ADAMTS18: variants seen among roughly 807,000 people sequenced by gnomAD.
The protein encoded by ADAMTS18 is ADAM metallopeptidase with thrombospondin type 1 motif 18, also known as A disintegrin and metalloproteinase with thrombospondin motifs 18.
ADAMTS18 carries 157 observed loss-of-function variants against 165.9 expected under a neutral mutation model. The observed-to-expected ratio is 0.95, with a 90% CI of 0.83 to 1.08. The LOEUF is 1.08. Ranked by LOEUF, ADAMTS18 falls within the 50% of genes least tolerant of loss-of-function variation. The pLI, the probability that ADAMTS18 is intolerant of heterozygous loss-of-function variation, is 0.00. For synonymous variants in ADAMTS18, 782 were observed against 578.2 expected, an observed-to-expected ratio of 1.35 and a Z score of -5.06; for missense variants, 2,040 against 1,534.0, an observed-to-expected ratio of 1.33 and a Z score of -5.51.
chr16:77,296,227 G>A (rs1333927704), intron 18 of ADAMTS18, among the ~76,000 whole-genome samples: 4 of 152,076 alleles, frequency 2.6e-5, no homozygotes, highest in South Asian at 4.1e-4. Context: ...TAACTGGGAA[G>A]ATTACTTAAA....
intron 3 of ADAMTS18, among the ~76,000 whole-genome samples, chr16:77,420,207 C>T (rs370776570): frequency 6.6e-6 from 1 of 151,344 alleles, no homozygotes; most frequent in Non-Finnish European, 1.5e-5. Flanking sequence ...ACTAGTAAGT[C>T]TAATTATTTC....
At chr16:77,388,815 T>C (rs1169964838) in intron 3 of ADAMTS18, among the ~76,000 whole-genome samples, 1 of 152,172 alleles carries the variant, frequency 6.6e-6, no homozygotes, top group Non-Finnish European at 1.5e-5. Context: ...AGTTTTTTAA[T>C]CCCCAGATTC....
At chr16:77,414,020 AG>A (rs1239351911) in intron 3 of ADAMTS18, among the ~76,000 whole-genome samples, 3 of 152,244 alleles carry the variant, frequency 2.0e-5, no homozygotes, top group African/African-American at 7.2e-5. Context: ...ATGATGACAT[AG>A]AAATTTCTGC....
At chr16:77,416,031 G>A (rs1316286380) in intron 3 of ADAMTS18, among the ~76,000 whole-genome samples, 1 of 152,128 alleles carries the variant, frequency 6.6e-6, no homozygotes, top group Admixed American at 6.5e-5. Context: ...GGCAGAATAT[G>A]CTAGGCGATA....
intron 14 of ADAMTS18, among the ~76,000 whole-genome samples, 198 bp downstream of exon 14, chr16:77,322,138 G>C (rs1185351584): frequency 8.8e-6 from 1 of 113,064 alleles, no homozygotes; most frequent in African/African-American, 3.6e-5. Context: ...CTGGGTGACA[G>C]AGTGAAATTT....
rs994981726 is a variant in ADAMTS18 at position 77,363,874 on chromosome 16, T to C, written c.984A>G (p.Leu328=). 10 of 1,613,878 alleles carry C rather than the reference T, an allele frequency of 6.2e-6. No homozygotes were observed. The highest frequency in any genetic ancestry group is 3.3e-5 in the Admixed American group (2 of 59,986). Residue 328 remains leucine (L), a synonymous_variant, in exon 6 of 23, where the codon CTA becomes CTG. Coordinates refer to ENST00000282849, the MANE Select transcript of ADAMTS18 (RefSeq NM_199355.4). ...CACTTCCAATAGTCCCATCTTTAAA[T>C]AGGCCAGAAACCTGTTGGAACAATG... ...ILTVMNMVSG[L]FKDGTIGSDI...
At chr16:77,340,085 G>C (rs565845259) in intron 11 of ADAMTS18, among the ~76,000 whole-genome samples, 1 of 152,248 alleles carries the variant, frequency 6.6e-6, no homozygotes, top group Non-Finnish European at 1.5e-5. Flanking sequence ...TCTGGGCCCC[G>C]ACAGCAACTA....
At chr16:77,365,411 ACT>A (rs2056778701) in intron 4 of ADAMTS18, among the ~76,000 whole-genome samples, 1 of 152,232 alleles carries the variant, frequency 6.6e-6, no homozygotes, top group Non-Finnish European at 1.5e-5. Context: ...CATGTCTTAA[ACT>A]CTCATTTCAT....
intron 16 of ADAMTS18, among the ~76,000 whole-genome samples, chr16:77,305,105 A>T (rs767575239): frequency 4.8e-5 from 4 of 82,766 alleles, no homozygotes; most frequent in African/African-American, 1.0e-4. Context: ...GTAAAAACTT[A>T]AACAAATAAG....
chr16:77,353,196 A>G (rs2056580891), intron 10 of ADAMTS18, among the ~76,000 whole-genome samples: 1 of 152,214 alleles, frequency 6.6e-6, no homozygotes, highest in Admixed American at 6.5e-5. Context: ...TCTCATTTCT[A>G]TAACCTGGAC....
rs139006751 is a variant in ADAMTS18, at chr16:77,342,522, C to A, written c.1615-723G>T. On this transcript the variant is annotated intron_variant, in intron 10 of 22. Coordinates refer to ENST00000282849, the MANE Select transcript of ADAMTS18 (RefSeq NM_199355.4). Reference sequence around the variant, plus strand: ...CCCAGTCTCATCTCAAACTCCTAACCTAAAGTGATCCTCCCACCTCAGTCT... The same window carrying A: ...CCCAGTCTCATCTCAAACTCCTAACATAAAGTGATCCTCCCACCTCAGTCT... 1.0e-3 allele frequency among the ~76,000 whole-genome samples: 153 copies of A among 152,270 alleles called. 2 individuals are homozygous for A. The highest frequency in any genetic ancestry group is 3.5e-3 in the African/African-American group (145 of 41,544).
At position 77,411,977 on chromosome 16, in the gene ADAMTS18, C is replaced by G. The variant is rs566306345; in HGVS notation, c.495+19318G>C. 1.1e-4 allele frequency among the ~76,000 whole-genome samples: 16 copies of G among 152,108 alleles called. No homozygotes were observed. In the South Asian group the frequency reaches 3.3e-3, roughly 32 times the overall value. On this transcript the variant is annotated intron_variant, in intron 3 of 22. Coordinates refer to ENST00000282849, the MANE Select transcript of ADAMTS18 (RefSeq NM_199355.4). ...CACTGGGATTACAGGCAGGAGCCAC[C>G]GAGCCCAGCCAGTGCCCAAAGATTT...
At chr16:77,409,668 G>T (rs903095245) in intron 3 of ADAMTS18, among the ~76,000 whole-genome samples, 1 of 152,102 alleles carries the variant, frequency 6.6e-6, no homozygotes. Context: ...GAACCACTCT[G>T]ACGGGTCTGC....
chr16:77,432,770 T>TTAA (rs529641316), intron 2 of ADAMTS18, among the ~76,000 whole-genome samples: 1 of 144,394 alleles, frequency 6.9e-6, no homozygotes, highest in Non-Finnish European at 1.5e-5. Context: ...CCTCCTCCAA[T>TTAA]AAAAAAAAAA....
intron 3 of ADAMTS18, among the ~76,000 whole-genome samples, chr16:77,391,507 A>G (rs910142541): frequency 6.7e-6 from 1 of 150,268 alleles, no homozygotes; most frequent in Non-Finnish European, 1.5e-5. Flanking sequence ...AAAAAAAAAC[A>G]AGAGGCTTGG....
chr16:77,378,998 A>G (rs951487404), intron 3 of ADAMTS18: 7 of 152,234 alleles, frequency 4.6e-5, no homozygotes, highest in Admixed American at 3.9e-4. Flanking sequence ...ACACATATTG[A>G]TGAAATTCTT....
intron 12 of ADAMTS18, among the ~76,000 whole-genome samples, chr16:77,333,339 A>C (rs189871371): frequency 6.6e-6 from 1 of 152,188 alleles, no homozygotes; most frequent in Admixed American, 6.6e-5. Flanking sequence ...GAGCTTTACA[A>C]CAAATACCTA....
At chr16:77,317,567 C>G (rs912355002) in intron 16 of ADAMTS18, among the ~76,000 whole-genome samples, 2 of 152,220 alleles carry the variant, frequency 1.3e-5, no homozygotes, top group Admixed American at 6.5e-5. Flanking sequence ...CTCCTGGCCT[C>G]AAGTGATCCA....
At chr16:77,334,735 TAGTATATATACTGTATACTATAGTATAC>T (rs1165657594) in intron 12 of ADAMTS18, among the ~76,000 whole-genome samples, 4 of 116,192 alleles carry the variant, frequency 3.4e-5, no homozygotes, top group African/African-American at 1.3e-4. Context: ...CTATATACTA[TAGTATATATACTGTATACTATAGTATAC>T]AGTATATATA....
Sources: gnomAD v4.1 joint callset for allele counts (sites outside exome capture counted in the v4.1 genomes callset) on GRCh38, gnomAD v4.1.1 for gene constraint, MANE v1.5 for transcripts, NCBI Gene and HGNC (gene_info 2026-07-23, HGNC 2026-07-21) for gene names.